Variants in ADGRD1 observed in about 807,000 individuals in gnomAD.
ADGRD1 encodes the protein adhesion G protein-coupled receptor D1, also known as G-protein coupled receptor 133.
A neutral mutation model predicts 113.4 loss-of-function variants in ADGRD1; 77 were observed. The ratio of observed to expected loss-of-function variants is 0.68; its 90% CI spans 0.57 to 0.82. The LOEUF is 0.82. ADGRD1 is among the 40% of genes least tolerant of loss of function. The pLI is 0.00. For synonymous variants in ADGRD1, 474 were observed against 475.0 expected, an observed-to-expected ratio of 1.00 and a Z score of 0.03; for missense variants, 1,036 against 1,139.1, an observed-to-expected ratio of 0.91 and a Z score of 1.30.
intron 6 of ADGRD1, chr12:130,989,154 A>G (rs1433300730): frequency 6.6e-6 from 1 of 152,204 alleles, no homozygotes; most frequent in African/African-American, 2.4e-5. Context: ...CCTTCAGAAG[A>G]AAAAAATGGA....
intron 11 of ADGRD1, among the ~76,000 whole-genome samples, chr12:131,005,219 A>G (rs1391914254): frequency 1.3e-5 from 2 of 152,188 alleles, no homozygotes; most frequent in East Asian, 3.9e-4. Flanking sequence ...GGGCAGAGGC[A>G]GGGATGTCCC....
chr12:131,024,875 C>G (rs1051430876), intron 13 of ADGRD1: 8 of 152,254 alleles, frequency 5.3e-5, no homozygotes, highest in African/African-American at 1.9e-4. Flanking sequence ...GAAGCTCGGG[C>G]AGGGCTCTCC....
intron 20 of ADGRD1, among the ~76,000 whole-genome samples, chr12:131,124,494 A>G (rs1950694623): frequency 6.6e-6 from 1 of 152,212 alleles, no homozygotes; most frequent in South Asian, 2.1e-4. Flanking sequence ...TTACATTAGA[A>G]CATCAGCTTC....
chr12:131,013,480 C>A (rs1878178936), intron 12 of ADGRD1, among the ~76,000 whole-genome samples: 1 of 152,126 alleles, frequency 6.6e-6, no homozygotes, highest in South Asian at 2.1e-4. Context: ...TCTCCCCCCA[C>A]CTCGCCTTCT....
At chr12:130,956,756 C>A (rs1166135013) in intron 2 of ADGRD1, 1 of 151,924 alleles carries the variant, frequency 6.6e-6, no homozygotes, top group African/African-American at 2.4e-5. Flanking sequence ...TGATACAGAG[C>A]CCACACGCAT....
rs183193667 is a variant in ADGRD1 at position 130,963,091 on chromosome 12, C to A, written c.104-3372C>A. 5.5e-3 allele frequency: 832 copies of A among 152,206 alleles called. 4 individuals are homozygous for A. Among genetic ancestry groups the A allele is most frequent in the Non-Finnish European group, 8.0e-3 (543 of 68,008 alleles). 9.4% of individuals were successfully genotyped at this position (152,206 alleles called of 1,614,324 possible). The stretch of plus-strand genomic sequence containing the variant: ...ATCCCAGCACTTTGGGAGGCCGAGG[C>A]GGGCGGATCACGAAGTCAGGAGATC... On this transcript the variant is annotated intron_variant, in intron 2 of 24. Coordinates refer to ENST00000261654, the MANE Select transcript of ADGRD1 (RefSeq NM_198827.5).
chr12:130,954,007 G>A lies in ADGRD1; in HGVS notation c.-459G>A, dbSNP rs899703016. The stretch of plus-strand genomic sequence containing the variant: ...CGCAGGACAAGCCCGAGGAGCAGGC[G>A]GGCGCTCCAGGGGAAAACCACGCAC... On this transcript the variant is annotated 5_prime_UTR_variant, in exon 1 of 25. Transcript: ENST00000261654. The surrounding 1 kb of genome is among the most constrained non-coding windows in gnomAD (Gnocchi z 4.7). 17 of 154,230 alleles carry A rather than the reference G, an allele frequency of 1.1e-4. No individual in the cohort carries two copies. In the East Asian group the frequency reaches 3.1e-3, roughly 28 times the overall value. The allele number at this position is 154,230 out of a possible 1,614,324, so 9.6% of individuals were successfully genotyped here.
At chr12:131,036,625 A>AGGCCTCACTCACTGCACCG (rs1566051959) in intron 13 of ADGRD1, among the ~76,000 whole-genome samples, 1 of 104,264 alleles carries the variant, frequency 9.6e-6, no homozygotes, top group Non-Finnish European at 2.0e-5. Context: ...TCACCGCACC[A>AGGCCTCACTCACTGCACCG]GGCCTCACTC....
chr12:131,114,370 A>G lies in ADGRD1; in HGVS notation c.2042-4015A>G, dbSNP rs115767039. Among the ~76,000 whole-genome samples, 495 of 152,276 alleles carry G rather than the reference A, an allele frequency of 3.3e-3. 4 individuals carry two copies. Among genetic ancestry groups the G allele is most frequent in the African/African-American group, 0.011 (465 of 41,542 alleles). ...CAGAACTGTGTGGTTTCTGATACCAATGCAGCCCCAGTAGGAGACTGAGCT... is the reference window on the plus strand; with the variant it reads ...CAGAACTGTGTGGTTTCTGATACCAGTGCAGCCCCAGTAGGAGACTGAGCT... On this transcript the variant is annotated intron_variant, in intron 18 of 24. Transcript: ENST00000261654.
intron 13 of ADGRD1, among the ~76,000 whole-genome samples, chr12:131,015,751 C>A (rs1165176482): frequency 6.6e-6 from 1 of 152,190 alleles, no homozygotes; most frequent in Non-Finnish European, 1.5e-5. Flanking sequence ...CCCTGCCTTG[C>A]TTCCTCCGCC....
intron 6 of ADGRD1, chr12:130,987,562 T>G: frequency 1.7e-6 from 1 of 592,836 alleles, no homozygotes; most frequent in Non-Finnish European, 3.0e-6. Context: ...TTGAGATGAA[T>G]ATTGTTCTGT....
At chr12:131,052,535 G>A (rs1005979861) in intron 13 of ADGRD1, among the ~76,000 whole-genome samples, 8 of 152,208 alleles carry the variant, frequency 5.3e-5, no homozygotes, top group African/African-American at 1.9e-4. Context: ...TCTGCAACCA[G>A]GCATCTGCCT....
intron 18 of ADGRD1, among the ~76,000 whole-genome samples, chr12:131,114,008 C>G (rs1950405596): frequency 6.6e-6 from 1 of 152,200 alleles, no homozygotes; most frequent in Non-Finnish European, 1.5e-5. Context: ...CACACGCACA[C>G]ACACTCACAC....
At chr12:131,088,900 A>T (rs941833225) in intron 15 of ADGRD1, among the ~76,000 whole-genome samples, 2 of 152,148 alleles carry the variant, frequency 1.3e-5, no homozygotes, top group South Asian at 4.1e-4. Context: ...CTGTGTGCTG[A>T]CCAGACGCCT....
intron 13 of ADGRD1, among the ~76,000 whole-genome samples, chr12:131,061,519 G>GT (rs1456319556): frequency 1.3e-5 from 2 of 152,168 alleles, no homozygotes; most frequent in African/African-American, 4.8e-5. Context: ...TGATTTAACT[G>GT]TTTTTTTAAA....
chr12:130,966,869 C>T lies in ADGRD1; in HGVS notation c.187+323C>T, dbSNP rs1297849812. On this transcript the variant is annotated intron_variant, in intron 3 of 24. Coordinates refer to ENST00000261654, the MANE Select transcript of ADGRD1 (RefSeq NM_198827.5). The surrounding 1 kb of genome is among the most constrained non-coding windows in gnomAD (Gnocchi z 4.6). ...CTCCTGGCCTCAGCAATCCTCTGGC[C>T]TTGGCCTCCCAAAGTGCTGGAATTA... 9.3e-6 allele frequency: 4 copies of T among 428,102 alleles called. No homozygotes were observed. The highest frequency in any genetic ancestry group is 8.0e-5 in the African/African-American group (4 of 50,298). The allele number at this position is 428,102 out of a possible 1,614,324, so 26.5% of individuals were successfully genotyped here.
chr12:130,960,994 A>G (rs921426287), intron 2 of ADGRD1, among the ~76,000 whole-genome samples: 3 of 152,170 alleles, frequency 2.0e-5, no homozygotes, highest in African/African-American at 7.2e-5. Flanking sequence ...AATGAGCTCC[A>G]TGTGTTGGAG....
At chr12:130,997,348 A>G (rs1469893265) in intron 8 of ADGRD1, among the ~76,000 whole-genome samples, 1 of 141,670 alleles carries the variant, frequency 7.1e-6, no homozygotes, top group South Asian at 2.4e-4. Flanking sequence ...CCGGGCGGAG[A>G]CGCTCCTCAC....
intron 15 of ADGRD1, among the ~76,000 whole-genome samples, chr12:131,101,373 C>CTTTTTTTTTTTTTTTTTTTTTT (rs796951608): frequency 1.0e-4 from 8 of 79,354 alleles, no homozygotes; most frequent in Non-Finnish European, 1.4e-4. Flanking sequence ...CTTTTTCTTT[C>CTTTTTTTTTTTTTTTTTTTTTT]TTTCTTTTTT....
Sources: allele counts gnomAD v4.1 joint callset (sites outside exome capture counted in the v4.1 genomes callset), GRCh38; gene constraint gnomAD v4.1.1; non-coding constraint Gnocchi (gnomAD v3.1); transcripts MANE v1.5; gene names NCBI Gene and HGNC (gene_info 2026-07-23, HGNC 2026-07-21).